NDEL1: variants seen among roughly 807,000 people sequenced by gnomAD.
NDEL1 encodes nudE neurodevelopment protein 1 like 1.
A neutral mutation model predicts 45.7 loss-of-function variants in NDEL1; 9 were observed. That is an observed-to-expected ratio of 0.20 (90% confidence interval 0.12 to 0.34). NDEL1 has a LOEUF of 0.34. Among genes scored for constraint, NDEL1 ranks in the 10% least tolerant of loss-of-function variants. The pLI is 1.00. For synonymous variants in NDEL1, 133 were observed against 158.6 expected (o/e 0.84, Z 1.21); for missense variants, 306 against 406.2 (o/e 0.75, Z 2.12).
chr17:8,431,033 C>T (rs550631749), upstream of NDEL1, among the ~76,000 whole-genome samples: 47 of 152,310 alleles, frequency 3.1e-4, no homozygotes, highest in African/African-American at 1.1e-3. Flanking sequence ...CTGACAAACA[C>T]CAGTTTTGGG....
chr17:8,449,224 G>A (rs541493113), intron 5 of NDEL1, among the ~76,000 whole-genome samples: 17 of 152,236 alleles, frequency 1.1e-4, no homozygotes, highest in African/African-American at 2.4e-4. Context: ...CTCGTGATCC[G>A]GCCGCCTTGG....
chr17:8,471,058 G>T (rs564716341), downstream of NDEL1, among the ~76,000 whole-genome samples: 1 of 152,370 alleles, frequency 6.6e-6, no homozygotes. Context: ...GCCTTGTCTC[G>T]TGTGTTGGTG....
rs1166656222 is a variant in NDEL1, at chr17:8,465,556, T to C, written c.945-1374T>C. On this transcript the variant is annotated intron_variant, in intron 8 of 8. Coordinates refer to ENST00000334527, the MANE Select transcript of NDEL1 (RefSeq NM_030808.5). The surrounding 1 kb of genome is among the most constrained non-coding windows in gnomAD (Gnocchi z 4.9). ...AGGCAGGGACTATTTGTCAAGTCTC[T>C]GCATGCCTGTTTGTCTGTGAGGTTA... The C allele has an allele frequency of 6.6e-6, 1 of 152,190 alleles. No individual in the cohort carries two copies. 9.4% of individuals were successfully genotyped at this position (152,190 alleles called of 1,614,324 possible).
At chr17:8,463,474 T>TA (rs1328332626) in intron 8 of NDEL1, 3 of 833,110 alleles carry the variant, frequency 3.6e-6, no homozygotes, top group Admixed American at 2.3e-5. Context: ...TTAACCAACT[T>TA]ACAGCCCATC....
At chr17:8,448,999 T>G (rs1186256582) in intron 5 of NDEL1, among the ~76,000 whole-genome samples, 1 of 152,256 alleles carries the variant, frequency 6.6e-6, no homozygotes. Flanking sequence ...CAACTTTTTT[T>G]GGAGACGAAG....
At chr17:8,470,923 C>T (rs577216861), downstream of NDEL1, among the ~76,000 whole-genome samples, 24 of 152,296 alleles carry the variant, frequency 1.6e-4, no homozygotes, top group African/African-American at 5.3e-4. This position sits in a 1 kb window ranked among gnomAD's most constrained non-coding sequence, Gnocchi z 4.2. Flanking sequence ...CACTAGTGCG[C>T]ATCTCCTGAG....
chr17:8,450,695 C>T, intron 5 of NDEL1, 85 bp from the exon 6 acceptor site: 2 of 1,200,368 alleles, frequency 1.7e-6, no homozygotes, highest in Non-Finnish European at 2.3e-6. Flanking sequence ...GGAAGAAGAC[C>T]TTTATGACAT....
chr17:8,460,740 C>T (rs1356715111), intron 8 of NDEL1, among the ~76,000 whole-genome samples: 1 of 152,136 alleles, frequency 6.6e-6, no homozygotes, highest in Non-Finnish European at 1.5e-5. Flanking sequence ...TCATGGTTTC[C>T]TGCCTTCACA....
chr17:8,450,288 C>CAA lies in NDEL1; in HGVS notation c.527-478_527-477dup, dbSNP rs5819194. 3.1e-3 allele frequency among the ~76,000 whole-genome samples: 363 copies of CAA among 115,558 alleles called. 5 individuals carry two copies. The highest frequency in any genetic ancestry group is 8.3e-3 in the African/African-American group (257 of 30,974). The allele number at this position is 115,558 out of a possible 152,430, so 75.8% of individuals were successfully genotyped here. Reference sequence around the variant, plus strand: ...TGGGCGACAGAGTGAGACTCCGTCTCAAAAAAAAAAAAAAACGCTCAATAT... The same window carrying CAA: ...TGGGCGACAGAGTGAGACTCCGTCTCAAAAAAAAAAAAAAAAACGCTCAATAT... On this transcript the variant is annotated intron_variant, in intron 5 of 8. Transcript: ENST00000334527.
intron 1 of NDEL1, among the ~76,000 whole-genome samples, chr17:8,415,610 A>AT (rs1486290502): frequency 6.6e-6 from 1 of 150,518 alleles, no homozygotes; most frequent in Non-Finnish European, 1.5e-5. Context: ...TGATTTTTGT[A>AT]TTTTTTGTAG....
chr17:8,430,582 T>C (rs1012566675), intron 1 of NDEL1, among the ~76,000 whole-genome samples: 1 of 152,230 alleles, frequency 6.6e-6, no homozygotes, highest in Admixed American at 6.5e-5. Flanking sequence ...TCAGAGTTTG[T>C]GACAGGAGAG....
At chr17:8,469,443 T>A (rs1432377725), downstream of NDEL1, among the ~76,000 whole-genome samples, 2 of 152,142 alleles carry the variant, frequency 1.3e-5, no homozygotes, top group East Asian at 1.9e-4. Flanking sequence ...GCTCCTCTTA[T>A]CCAGACTGTT....
chr17:8,463,967 G>A (rs961209719), intron 8 of NDEL1, among the ~76,000 whole-genome samples: 2 of 152,222 alleles, frequency 1.3e-5, no homozygotes, highest in Non-Finnish European at 2.9e-5. Context: ...GCGTGTGCCT[G>A]CCTGCAGGCT....
chr17:8,461,835 T>G (rs918075012), intron 8 of NDEL1, among the ~76,000 whole-genome samples: 14 of 152,150 alleles, frequency 9.2e-5, no homozygotes, highest in African/African-American at 1.9e-4. Context: ...TGGAATCGTA[T>G]TTCTTGATGG....
chr17:8,435,821 C>G (rs777184605), upstream of NDEL1: 20 of 441,656 alleles, frequency 4.5e-5, no homozygotes, highest in South Asian at 2.2e-4. Context: ...CATACCCGTG[C>G]GCTGCCGCGC....
chr17:8,414,148 A>G (rs1224154084), intron 1 of NDEL1, among the ~76,000 whole-genome samples: 3 of 152,058 alleles, frequency 2.0e-5, no homozygotes, highest in Non-Finnish European at 4.4e-5. Context: ...GTAGTATTCC[A>G]TTGTGTGGCT....
intron 7 of NDEL1, among the ~76,000 whole-genome samples, chr17:8,458,456 C>A (rs1291335598): frequency 6.6e-6 from 1 of 151,978 alleles, no homozygotes; most frequent in Non-Finnish European, 1.5e-5. Context: ...ATGTCTCAGA[C>A]ATAAGTTGTG....
intron 8 of NDEL1, 108 bp from the exon 9 acceptor site, chr17:8,466,822 C>T (rs140609891): frequency 1.6e-5 from 18 of 1,123,024 alleles, no homozygotes; most frequent in East Asian, 1.2e-4. Context: ...CTACAGCCTG[C>T]GAGGAATAGT....
chr17:8,443,964 T>G (rs1198838783), intron 1 of NDEL1: 1 of 223,628 alleles, frequency 4.5e-6, no homozygotes, highest in Non-Finnish European at 8.8e-6. Flanking sequence ...TGCAACTCTG[T>G]GTGCAGGATG....
Sources: gnomAD v4.1 joint callset for allele counts (sites outside exome capture counted in the v4.1 genomes callset) on GRCh38, gnomAD v4.1.1 for gene constraint, Gnocchi (gnomAD v3.1) non-coding constraint, MANE v1.5 for transcripts, NCBI Gene and HGNC (gene_info 2026-07-23, HGNC 2026-07-21) for gene names.